PAK5: variants seen among roughly 807,000 people sequenced by gnomAD.
The protein encoded by PAK5 is p21 (RAC1) activated kinase 5.
In PAK5, 16 loss-of-function variants were observed where a neutral mutation model predicts 65.9. That is an observed-to-expected ratio of 0.24 (90% CI 0.16 to 0.37). The LOEUF is 0.37. Ranked by LOEUF, PAK5 falls within the 10% of genes least tolerant of loss-of-function variation. The pLI, the probability that PAK5 is intolerant of heterozygous loss-of-function variation, is 1.00. For missense variants in PAK5, 785 were observed against 903.9 expected (o/e 0.87, Z 1.69); for synonymous variants, 371 against 354.9 (o/e 1.05, Z -0.51).
chr20:9,796,804 G>A (rs2049110319), intron 1 of PAK5, among the ~76,000 whole-genome samples: 1 of 152,064 alleles, frequency 6.6e-6, no homozygotes, highest in South Asian at 2.1e-4. Flanking sequence ...GATGAGATGG[G>A]GAATTGTCAA....
intron 3 of PAK5, among the ~76,000 whole-genome samples, chr20:9,599,186 C>T (rs2046320116): frequency 6.6e-6 from 1 of 152,236 alleles, no homozygotes; most frequent in African/African-American, 2.4e-5. Flanking sequence ...CATGTTGTAA[C>T]ATGTATAAGA....
At chr20:9,565,282 G>A (rs2122988631) in intron 5 of PAK5, among the ~76,000 whole-genome samples, 1 of 152,008 alleles carries the variant, frequency 6.6e-6, no homozygotes, top group East Asian at 1.9e-4. Flanking sequence ...ATTAATGTAG[G>A]CTATTCCTTG....
In PAK5 at chr20:9,544,476, C is replaced by A. The variant is rs1406112543; in HGVS notation, c.1762G>T (p.Gly588Cys). 1.9e-6 allele frequency: 3 copies of A among 1,613,748 alleles called. No individual in the cohort carries two copies. Among genetic ancestry groups the A allele is most frequent in the Non-Finnish European group, 2.5e-6 (3 of 1,179,756 alleles). The change falls in exon 8 of 10, where the codon GGT becomes TGT. Residue 588 changes from glycine to cysteine, a missense_variant. Transcript: ENST00000353224. ...TCTTTGGAAACTTGAGCACAGAAAC[C>A]AAAATCAGACAACTTTATCTGAAAA... ...SDGRIKLSDF[G>C]FCAQVSKEVP...
At chr20:9,747,348 A>G (rs987834721) in intron 1 of PAK5, among the ~76,000 whole-genome samples, 1 of 152,110 alleles carries the variant, frequency 6.6e-6, no homozygotes, top group Non-Finnish European at 1.5e-5. Flanking sequence ...GGCCAGCATC[A>G]TCCTGATACC....
chr20:9,713,700 C>T (rs1459660764), intron 1 of PAK5, among the ~76,000 whole-genome samples: 1 of 152,016 alleles, frequency 6.6e-6, no homozygotes, highest in Non-Finnish European at 1.5e-5. Context: ...AAATTAATTT[C>T]TGTCACTGGC....
chr20:9,638,511 C>T (rs1266871911), intron 3 of PAK5, among the ~76,000 whole-genome samples: 4 of 152,224 alleles, frequency 2.6e-5, no homozygotes, highest in Admixed American at 2.0e-4. Context: ...TTTTATACTA[C>T]TTAAATCAAA....
chr20:9,558,604 G>A (rs2045547465), intron 6 of PAK5, among the ~76,000 whole-genome samples: 1 of 152,140 alleles, frequency 6.6e-6, no homozygotes, highest in South Asian at 2.1e-4. Flanking sequence ...TCAAGGCTGA[G>A]CTCAGGCAAA....
At chr20:9,726,599 T>C (rs1286045113) in intron 1 of PAK5, among the ~76,000 whole-genome samples, 2 of 152,146 alleles carry the variant, frequency 1.3e-5, no homozygotes, top group Non-Finnish European at 2.9e-5. Context: ...AATAAAAGTA[T>C]AAATAGAACT....
At chr20:9,646,485 A>C (rs1252908874) in intron 2 of PAK5, among the ~76,000 whole-genome samples, 2 of 152,242 alleles carry the variant, frequency 1.3e-5, no homozygotes, top group East Asian at 1.9e-4. Flanking sequence ...CAATTCTGTA[A>C]GTACTTTACT....
At position 9,580,801 on chromosome 20, in the gene PAK5, C is replaced by G. The variant is rs1260430140; in HGVS notation, c.334G>C (p.Ala112Pro). The change falls in exon 4 of 10, where the codon GCC (alanine) becomes CCC (proline). Residue 112 changes from alanine (A) to proline (P), a missense_variant. By Grantham distance (27) the Ala-to-Pro change is conservative. Transcript: ENST00000353224. ...KESPPTPDQG[A>P]SSHGPGHAEE... ...GCGTGGCCTGGACCGTGGCTGGAGG[C>G]TCCCTGATCTGGGGTGGGTGGGCTT... The G allele has an allele frequency of 6.2e-7, 1 of 1,613,902 alleles. No homozygotes were observed. The highest frequency in any genetic ancestry group is 1.1e-5 in the South Asian group (1 of 91,064).
Position 9,586,930 on chromosome 20 carries a change from T to A in PAK5, c.205-6000A>T, listed in dbSNP as rs187942055. ...TTATCATTATTTTGTATCTTAGGCT[T>A]ATAGCACTTATGAGATAGGTAATAT... On this transcript the variant is annotated intron_variant, in intron 3 of 9. Transcript: ENST00000353224. 5.4e-4 allele frequency among the ~76,000 whole-genome samples: 82 copies of A among 152,330 alleles called. 2 individuals are homozygous for A. Among genetic ancestry groups the A allele is most frequent in the African/African-American group, 1.8e-3 (76 of 41,588 alleles).
Position 9,580,756 on chromosome 20 carries a change from T to C in PAK5, c.379A>G (p.Thr127Ala), listed in dbSNP as rs758968415. ...GATTCGCTGGAATACTGGGAGAAGGTGATGAAGCCATTTTCTTCCGCGTGG... is the reference window on the plus strand; with the variant it reads ...GATTCGCTGGAATACTGGGAGAAGGCGATGAAGCCATTTTCTTCCGCGTGG... ...PGHAEENGFI[T>A]FSQYSSESDT... The change falls in exon 4 of 10, where the codon ACC becomes GCC. Residue 127 changes from threonine to alanine, a missense_variant. Thr to Ala is a moderately conservative substitution (Grantham distance 58). Around this residue, in one of 4 missense-constraint regions of PAK5, gnomAD observed 422 missense variants for 413.3 expected, o/e 1.02. Transcript: ENST00000353224. 6 of 1,613,898 alleles carry C rather than the reference T, an allele frequency of 3.7e-6. No homozygotes were observed. Among genetic ancestry groups the C allele is most frequent in the Admixed American group, 3.3e-5 (2 of 59,990 alleles).
intron 6 of PAK5, among the ~76,000 whole-genome samples, chr20:9,561,029 A>T (rs994221028): frequency 3.9e-5 from 6 of 152,160 alleles, no homozygotes; most frequent in Admixed American, 3.9e-4. Flanking sequence ...CCGATCAATA[A>T]ATCATTCAGT....
At chr20:9,808,128 CT>C (rs1222062237) in intron 1 of PAK5, among the ~76,000 whole-genome samples, 22 of 152,218 alleles carry the variant, frequency 1.4e-4, no homozygotes, top group African/African-American at 5.3e-4. Flanking sequence ...TGTATTAGCA[CT>C]TTGTGTGTAC....
At chr20:9,553,527 T>C (rs534099467) in intron 7 of PAK5, among the ~76,000 whole-genome samples, 16 of 152,150 alleles carry the variant, frequency 1.1e-4, no homozygotes, top group South Asian at 2.1e-4. Context: ...ACTCATCTGC[T>C]GTGCATTTCT....
At chr20:9,759,086 A>T (rs2048668569) in intron 1 of PAK5, among the ~76,000 whole-genome samples, 1 of 152,172 alleles carries the variant, frequency 6.6e-6, no homozygotes, top group Non-Finnish European at 1.5e-5. Flanking sequence ...AAAGCAAGCA[A>T]GCATTCAATA....
chr20:9,566,376 GTAA>G lies in PAK5; in HGVS notation c.996_998del (p.Tyr333del). Reference sequence around the variant, plus strand: ...GGCTGAGGACCATCTGTGCTCGATCGTAATCCACCTGGGAAGACAGACATGGAT... The same window carrying G: ...GGCTGAGGACCATCTGTGCTCGATCGTCCACCTGGGAAGACAGACATGGAT... On this transcript the variant is annotated inframe_deletion, in exon 5 of 10. Transcript: ENST00000353224. The G allele has an allele frequency of 6.2e-7, 1 of 1,612,520 alleles. No homozygotes were observed. Among genetic ancestry groups the G allele is most frequent in the Non-Finnish European group, 8.5e-7 (1 of 1,179,436 alleles).
intron 1 of PAK5, among the ~76,000 whole-genome samples, chr20:9,819,609 A>G (rs2049396322): frequency 1.3e-5 from 2 of 152,004 alleles, no homozygotes; most frequent in Non-Finnish European, 2.9e-5. Context: ...TATGCTTCTG[A>G]TAATGGCCTC....
intron 2 of PAK5, among the ~76,000 whole-genome samples, chr20:9,655,179 T>A (rs1264793926): frequency 6.6e-6 from 1 of 152,220 alleles, no homozygotes; most frequent in Non-Finnish European, 1.5e-5. Flanking sequence ...ACTTTTTCTA[T>A]GACTTCTCAT....
Sources: gnomAD v4.1 joint callset for allele counts (sites outside exome capture counted in the v4.1 genomes callset) on GRCh38, gnomAD v4.1.1 for gene constraint, gnomAD v4.1.1 regional missense constraint, MANE v1.5 for transcripts, NCBI Gene and HGNC (gene_info 2026-07-23, HGNC 2026-07-21) for gene names.